The following DYM variants were observed in gnomAD, a reference collection of about 807,000 sequenced individuals.
The protein encoded by DYM is dymeclin.
DYM carries 78 observed loss-of-function variants against 93.1 expected under a neutral mutation model. The observed-to-expected ratio is 0.84, with a 90% CI of 0.70 to 1.01. DYM has a LOEUF of 1.01. Ranked by LOEUF, DYM falls within the 50% of genes least tolerant of loss-of-function variation. DYM has a pLI of 0.00. For synonymous variants in DYM, 321 were observed against 319.7 expected, an observed-to-expected ratio of 1.00 and a Z score of -0.04; for missense variants, 789 against 845.0, an observed-to-expected ratio of 0.93 and a Z score of 0.82.
At chr18:49,290,112 A>G (rs1178651952) in intron 8 of DYM, among the ~76,000 whole-genome samples, 2 of 152,072 alleles carry the variant, frequency 1.3e-5, no homozygotes, top group Non-Finnish European at 1.5e-5. Context: ...GGCACACAAA[A>G]GAGCATGTAT....
At position 49,250,815 on chromosome 18, in the gene DYM, T is replaced by C. The variant is rs1598902135; in HGVS notation, c.1460+6195A>G. On this transcript the variant is annotated intron_variant, in intron 13 of 17. Transcript: ENST00000675505. The stretch of plus-strand genomic sequence containing the variant: ...TTATCTAGATTCAGCGATATAGCTG[T>C]GAAAGAGCAAGGAACTGTAATGATT... Among the ~76,000 whole-genome samples, 4 of 152,242 alleles carry C rather than the reference T, an allele frequency of 2.6e-5. No individual in the cohort carries two copies. The Middle Eastern group carries it at 0.014, about 518-fold the overall frequency.
At chr18:49,071,272 G>A (rs959495686) in intron 17 of DYM, among the ~76,000 whole-genome samples, 1 of 152,192 alleles carries the variant, frequency 6.6e-6, no homozygotes, top group African/African-American at 2.4e-5. Context: ...TCCCTCTGAT[G>A]CATGTTTAAA....
At chr18:49,459,867 G>A (rs935480567) in intron 1 of DYM, among the ~76,000 whole-genome samples, 3 of 151,240 alleles carry the variant, frequency 2.0e-5, no homozygotes, top group African/African-American at 7.3e-5. Flanking sequence ...GATCAATAGT[G>A]TAGGGGAGAG....
rs149802171 is a variant in DYM at position 49,280,486 on chromosome 18, T to G, written c.1125+1511A>C. ...TAACATGAACTTGGTGGGCGGGTAC[T>G]TAGCAGATGGCAGCGACCGAGATGA... is the stretch of plus-strand genomic sequence containing the variant. On this transcript the variant is annotated intron_variant, in intron 10 of 17. Transcript: ENST00000675505. Among the ~76,000 whole-genome samples, 21 of 152,300 alleles carry G rather than the reference T, an allele frequency of 1.4e-4. No homozygotes were observed. The South Asian group carries it at 3.3e-3, about 24-fold the overall frequency.
At chr18:49,393,027 A>AAGGAGGAGG (rs142926004) in intron 2 of DYM, among the ~76,000 whole-genome samples, 2 of 54,734 alleles carry the variant, frequency 3.7e-5, no homozygotes, top group Non-Finnish European at 7.5e-5. Flanking sequence ...GAAGAGGAAG[A>AAGGAGGAGG]AGGAGGAGGA....
At chr18:49,360,698 C>T (rs192157502) in intron 6 of DYM, among the ~76,000 whole-genome samples, 2 of 152,170 alleles carry the variant, frequency 1.3e-5, no homozygotes, top group East Asian at 3.9e-4. Flanking sequence ...CTCCACATAC[C>T]ATGACAAAGA....
intron 16 of DYM, among the ~76,000 whole-genome samples, chr18:49,103,869 G>C (rs1192141545): frequency 2.0e-5 from 3 of 150,576 alleles, no homozygotes; most frequent in Non-Finnish European, 3.0e-5. Flanking sequence ...TTGTTCTTTT[G>C]GCTTAGGATT....
Position 49,103,910 on chromosome 18 carries a change from C to G in DYM, c.1912-6395G>C, listed in dbSNP as rs1342105926. On this transcript the variant is annotated intron_variant, in intron 16 of 17. Transcript: ENST00000675505. The stretch of plus-strand genomic sequence containing the variant: ...GGCGATGCGGGCTCTTTTTTGGTTC[C>G]ATATGAACTTCAAAGTAGTTTTTTC... 2.7e-5 allele frequency among the ~76,000 whole-genome samples: 4 copies of G among 150,552 alleles called. No homozygotes were observed. In the South Asian group the frequency reaches 6.3e-4, roughly 24 times the overall value.
intron 14 of DYM, among the ~76,000 whole-genome samples, chr18:49,203,593 C>T (rs890673862): frequency 7.0e-6 from 1 of 142,478 alleles, no homozygotes; most frequent in Admixed American, 7.1e-5. Flanking sequence ...TGTGTCCACT[C>T]AGGGTTAAAT....
intron 8 of DYM, among the ~76,000 whole-genome samples, chr18:49,289,405 A>T (rs1205008160): frequency 5.9e-4 from 1 of 1,684 alleles, no homozygotes; most frequent in Non-Finnish European, 1.8e-3. Context: ...ACAAATCAGT[A>T]AAAAAAAAAA....
chr18:49,130,445 T>C (rs545691552), intron 15 of DYM, among the ~76,000 whole-genome samples: 3 of 152,370 alleles, frequency 2.0e-5, no homozygotes, highest in South Asian at 4.1e-4. Flanking sequence ...CGGCATTCAG[T>C]AGAAAATGAG....
intron 1 of DYM, among the ~76,000 whole-genome samples, chr18:49,435,238 T>C (rs1186737918): frequency 1.5e-5 from 2 of 137,408 alleles, no homozygotes; most frequent in East Asian, 4.2e-4. Flanking sequence ...AGAAGTGAAA[T>C]GAAGGACAGC....
chr18:49,143,490 A>G (rs561108576), intron 15 of DYM, among the ~76,000 whole-genome samples: 1 of 152,300 alleles, frequency 6.6e-6, no homozygotes, highest in African/African-American at 2.4e-5. Context: ...CTTTCGATGC[A>G]GTATTTAATT....
At chr18:49,199,457 G>A (rs767428388) in intron 14 of DYM, among the ~76,000 whole-genome samples, 32 of 152,084 alleles carry the variant, frequency 2.1e-4, no homozygotes, top group Non-Finnish European at 2.2e-4. Context: ...GACTTATACT[G>A]CACTGACTAA....
intron 8 of DYM, among the ~76,000 whole-genome samples, chr18:49,293,258 C>G (rs1345264457): frequency 2.0e-5 from 3 of 152,094 alleles, no homozygotes; most frequent in African/African-American, 7.2e-5. Context: ...CAAGTCTTTT[C>G]TATGTGAATA....
chr18:49,402,075 C>T (rs1347525555), intron 2 of DYM, among the ~76,000 whole-genome samples: 5 of 151,730 alleles, frequency 3.3e-5, no homozygotes, highest in African/African-American at 1.2e-4. Context: ...ATAGAGGAAG[C>T]TCTTAAACAT....
chr18:49,091,319 C>T (rs1159980329), intron 17 of DYM, among the ~76,000 whole-genome samples: 3 of 152,052 alleles, frequency 2.0e-5, no homozygotes, highest in Non-Finnish European at 2.9e-5. Flanking sequence ...GACAATGCTG[C>T]GGAACAAGAA....
In DYM at chr18:49,438,312, TAA is replaced by T. The variant is rs781439330; in HGVS notation, c.-53-7867_-53-7866del. Among the ~76,000 whole-genome samples, 49 of 152,010 alleles carry T rather than the reference TAA, an allele frequency of 3.2e-4. 1 individual carries two copies. The highest frequency in any genetic ancestry group is 1.6e-3 in the Admixed American group (24 of 15,262). On this transcript the variant is annotated intron_variant, in intron 1 of 17. Coordinates refer to ENST00000675505, the MANE Select transcript of DYM (RefSeq NM_001353214.3). The stretch of plus-strand genomic sequence containing the variant: ...AAAAAAATCGAGACAGCCAATTGAG[TAA>T]AGAGTACAGTGCCTCCTTCCCCGTT...
At chr18:49,432,329 CAAAAA>C (rs11429840) in intron 1 of DYM, among the ~76,000 whole-genome samples, 1 of 75,828 alleles carries the variant, frequency 1.3e-5, no homozygotes, top group Non-Finnish European at 2.8e-5. Context: ...AAGACTGTCT[CAAAAA>C]AAAAAAAAAA....
Sources: gnomAD v4.1 joint callset for allele counts (sites outside exome capture counted in the v4.1 genomes callset) on GRCh38, gnomAD v4.1.1 for gene constraint, MANE v1.5 for transcripts, NCBI Gene and HGNC (gene_info 2026-07-23, HGNC 2026-07-21) for gene names.